PCF11: variants seen among roughly 807,000 people sequenced by gnomAD.
PCF11 encodes pre-mRNA cleavage complex 2 protein Pcf11.
PCF11 carries 19 observed loss-of-function variants against 166.1 expected under a neutral mutation model. That is an observed-to-expected ratio of 0.11 (90% CI 0.08 to 0.17). The LOEUF (loss-of-function observed/expected upper bound fraction) is 0.17. Among genes scored for constraint, PCF11 ranks in the 10% least tolerant of loss-of-function variants. The probability of loss-of-function intolerance (pLI) is 1.00; values close to 1 mark genes in which losing one functional copy is unlikely to be tolerated. For missense variants in PCF11, 1,565 were observed against 1,855.5 expected (o/e 0.84, Z 2.88); for synonymous variants, 663 against 644.1 (o/e 1.03, Z -0.44).
At chr11:83,168,888 C>G in exon 8 of PCF11, 1 of 1,613,334 alleles carries the variant, frequency 6.2e-7, no homozygotes, top group Non-Finnish European at 8.5e-7. Flanking sequence ...TTGAAGGTTC[C>G]CCTGGTCTGA....
chr11:83,184,785 G>T, exon 16 of PCF11: 2 of 1,610,984 alleles, frequency 1.2e-6, no homozygotes, highest in Non-Finnish European at 1.7e-6. Flanking sequence ...CCCTGTGACA[G>T]TCCCAAAGTT....
At chr11:83,168,499 G>T (rs1860553694) in exon 8 of PCF11, 1 of 1,613,952 alleles carries the variant, frequency 6.2e-7, no homozygotes, top group East Asian at 2.2e-5. Flanking sequence ...TGAAGATTCA[G>T]ATAAACCATT....
chr11:83,157,157 A>T, exon 1 of PCF11: 1 of 571,652 alleles, frequency 1.7e-6, no homozygotes. Flanking sequence ...GGGAACACAG[A>T]CATTTTCGGA....
At chr11:83,158,370 G>C (rs1482524074) in intron 1 of PCF11, 1 of 152,218 alleles carries the variant, frequency 6.6e-6, no homozygotes, top group African/African-American at 2.4e-5. Context: ...CCAACCTGTA[G>C]GTGGAGAACT....
intron 8 of PCF11, among the ~76,000 whole-genome samples, chr11:83,170,670 T>C (rs921809707): frequency 6.6e-6 from 1 of 152,234 alleles, no homozygotes; most frequent in African/African-American, 2.4e-5. Context: ...GTTTACAATT[T>C]GTGATTAATT....
chr11:83,173,242 G>A (rs964979788), intron 9 of PCF11, among the ~76,000 whole-genome samples: 2 of 152,252 alleles, frequency 1.3e-5, no homozygotes, highest in Non-Finnish European at 1.5e-5. Flanking sequence ...GGATCACAAG[G>A]TCAAGAGATG....
rs747424161 is a variant in PCF11, at chr11:83,161,469, A to G, written c.318+17A>G. The stretch of plus-strand genomic sequence containing the variant: ...TTTGAAAAGGTACATATGCATTTAG[A>G]AACATTTGCGTTTTTTTTTAAAAAA... On this transcript the variant is annotated intron_variant, in intron 2 of 15. Transcript: ENST00000298281. The G allele has an allele frequency of 2.1e-5, 32 of 1,531,510 alleles. No individual in the cohort carries two copies. Among genetic ancestry groups the G allele is most frequent in the Non-Finnish European group, 2.6e-5 (30 of 1,143,866 alleles). The allele number at this position is 1,531,510 out of a possible 1,614,324, so 94.9% of individuals were successfully genotyped here.
intron 11 of PCF11, among the ~76,000 whole-genome samples, chr11:83,178,899 G>A (rs374386009): frequency 1.3e-5 from 2 of 151,942 alleles, no homozygotes; most frequent in South Asian, 4.2e-4. Flanking sequence ...TCAAGAAAAC[G>A]TACAACTCTC....
At chr11:83,168,841 G>A (rs1860569680) in exon 8 of PCF11, 3 of 1,613,746 alleles carry the variant, frequency 1.9e-6, no homozygotes, top group Admixed American at 1.7e-5. Flanking sequence ...GCGGTTTGAG[G>A]GCCCAATTGG....
chr11:83,169,216 G>T lies in PCF11; in HGVS notation c.2881G>T (p.Gly961Cys), dbSNP rs147029675. The T allele has an allele frequency of 1.3e-3, 2,170 of 1,613,678 alleles. 43 individuals carry two copies. The East Asian group carries it at 0.037, about 28-fold the overall frequency. ...TGGAATGAGGTTTGAGGGCCCCCAT[G>T]GTCAGTCAGTAGCTGGTCTGAGATT... The change falls in exon 8 of 16, where the codon GGT becomes TGT. Residue 961 changes from glycine (G) to cysteine (C), a missense_variant. Transcript: ENST00000298281.
In PCF11 at chr11:83,167,217, C is replaced by T; in HGVS notation, c.1910C>T (p.Pro637Leu). ...AAAGGAATTTTATCACCTCGAGCCC[C>T]AAAGCAGCAACAGCATCGATTAAGT... Residue 637 changes from proline to leucine, a missense_variant, in exon 6 of 16, where the codon CCA becomes CTA. Transcript: ENST00000298281. The surrounding 1 kb of genome is among the most constrained non-coding windows in gnomAD (Gnocchi z 4.2). 6.2e-7 allele frequency: 1 copy of T among 1,613,724 alleles called. No homozygotes were observed. Among genetic ancestry groups the T allele is most frequent in the Non-Finnish European group, 8.5e-7 (1 of 1,179,708 alleles).
At chr11:83,158,645 C>T (rs1245056278) in intron 1 of PCF11, 3 of 152,260 alleles carry the variant, frequency 2.0e-5, no homozygotes, top group Admixed American at 6.5e-5. Context: ...TTTTATTTTT[C>T]AAGCTTGTAC....
intron 9 of PCF11, among the ~76,000 whole-genome samples, chr11:83,172,238 A>G (rs1419246549): frequency 3.3e-5 from 5 of 152,164 alleles, no homozygotes; most frequent in Non-Finnish European, 7.4e-5. Context: ...TAAATGACAG[A>G]CCTTAGAAAT....
At chr11:83,173,694 A>C (rs1590932641) in intron 9 of PCF11, among the ~76,000 whole-genome samples, 2 of 149,074 alleles carry the variant, frequency 1.3e-5, no homozygotes, top group Admixed American at 1.3e-4. Flanking sequence ...AGAAACTACA[A>C]ATTTTCTTGT....
chr11:83,174,311 G>C (rs1860800923), intron 9 of PCF11, among the ~76,000 whole-genome samples: 1 of 151,890 alleles, frequency 6.6e-6, no homozygotes, highest in Admixed American at 6.6e-5. Flanking sequence ...TTAGTCATCT[G>C]CTGTATGCTA....
chr11:83,161,277 T>A, intron 1 of PCF11, 50 bp from the exon 2 acceptor site: 1 of 1,462,720 alleles, frequency 6.8e-7, no homozygotes, highest in Non-Finnish European at 9.3e-7. Context: ...TTTAAATAAT[T>A]ATTTGGTGGT....
At position 83,181,842 on chromosome 11, in the gene PCF11, A is replaced by C. The variant is rs1861097638; in HGVS notation, c.4168-12A>C. ...AAATGGAATAATCTTTTAAAAATCA[A>C]CTCCTTTTAAGGACTGGATAGAATT... On this transcript the variant is annotated splice_polypyrimidine_tract_variant and intron_variant, in intron 12 of 15. Transcript: ENST00000298281. 5.8e-6 allele frequency: 9 copies of C among 1,564,212 alleles called. No individual in the cohort carries two copies. In the East Asian group the frequency reaches 1.8e-4, roughly 32 times the overall value.
Position 83,182,383 on chromosome 11 carries a change from T to C in PCF11, c.4324-16T>C, listed in dbSNP as rs759554858. On this transcript the variant is annotated splice_polypyrimidine_tract_variant and intron_variant, in intron 13 of 15. Transcript: ENST00000298281. ...GGTCTATTATGTAAATTTCATTTTA[T>C]ATGATTCTATTTTAGAGTTGTGAAA... 3 of 1,305,774 alleles carry C rather than the reference T, an allele frequency of 2.3e-6. No homozygotes were observed. Among genetic ancestry groups the C allele is most frequent in the South Asian group, 2.5e-5 (2 of 81,562 alleles). 80.9% of individuals were successfully genotyped at this position (1,305,774 alleles called of 1,614,324 possible). A position where few individuals can be genotyped will look rare whatever the true frequency, so the allele number is the denominator to read the frequency against.
chr11:83,185,939 G>GAT (rs1861275732), exon 16 of PCF11: 1 of 152,496 alleles, frequency 6.6e-6, no homozygotes, highest in Admixed American at 6.5e-5. Flanking sequence ...ATTTATTGGA[G>GAT]ATAGGCATAT....
Sources: allele counts gnomAD v4.1 joint callset (sites outside exome capture counted in the v4.1 genomes callset), GRCh38; gene constraint gnomAD v4.1.1; non-coding constraint Gnocchi (gnomAD v3.1); transcripts MANE v1.5; gene names NCBI Gene and HGNC (gene_info 2026-07-23, HGNC 2026-07-21).